Variants in KCNJ3 observed in about 807,000 individuals in gnomAD.
KCNJ3 encodes G protein-activated inward rectifier potassium channel 1.
A neutral mutation model predicts 39.2 loss-of-function variants in KCNJ3; 4 were observed. That is an observed-to-expected ratio of 0.10 (90% CI 0.05 to 0.23). The LOEUF is 0.23. KCNJ3 is among the 10% of genes least tolerant of loss of function. The pLI is 1.00. For synonymous variants in KCNJ3, 230 were observed against 237.4 expected, an observed-to-expected ratio of 0.97 and a Z score of 0.29; for missense variants, 276 against 634.9, an observed-to-expected ratio of 0.43 and a Z score of 6.08.
chr2:154,698,732 T>TG lies in KCNJ3; in HGVS notation c.-43dup. On this transcript the variant is annotated 5_prime_UTR_variant, in exon 1 of 3. Coordinates refer to ENST00000295101, the MANE Select transcript of KCNJ3 (RefSeq NM_002239.4). ...GTGCTAGTTTGCAGCGCCCAGCTCC[T>TG]GCGCCTTCGCTTCGCGTTTGAATCT... The TG allele has an allele frequency of 1.2e-6, 1 of 805,162 alleles. No homozygotes were observed. The highest frequency in any genetic ancestry group is 1.9e-6 in the Non-Finnish European group (1 of 540,242). The allele number at this position is 805,162 out of a possible 1,614,324, so 49.9% of individuals were successfully genotyped here.
intron 2 of KCNJ3, among the ~76,000 whole-genome samples, chr2:154,771,095 T>G (rs1236793198): frequency 6.6e-6 from 1 of 152,070 alleles, no homozygotes; most frequent in East Asian, 1.9e-4. Context: ...TTCACTATGT[T>G]GGCCAGGCTG....
chr2:154,810,372 C>T (rs534713902), intron 2 of KCNJ3, among the ~76,000 whole-genome samples: 17 of 152,248 alleles, frequency 1.1e-4, no homozygotes, highest in South Asian at 8.3e-4. Context: ...GCATGAGCCA[C>T]GACACCCAGC....
At chr2:154,778,638 A>G (rs746554969) in intron 2 of KCNJ3, among the ~76,000 whole-genome samples, 35 of 152,164 alleles carry the variant, frequency 2.3e-4, no homozygotes, top group Non-Finnish European at 4.1e-4. Context: ...AAATGGTGCA[A>G]TAGGTTTAGG....
At chr2:154,819,789 A>T (rs1687140509) in intron 2 of KCNJ3, among the ~76,000 whole-genome samples, 1 of 152,036 alleles carries the variant, frequency 6.6e-6, no homozygotes, top group Admixed American at 6.6e-5. Flanking sequence ...TCACCCTCCC[A>T]AAGTGCTGGG....
chr2:154,707,292 A>T (rs188272192), intron 1 of KCNJ3, among the ~76,000 whole-genome samples: 2,714 of 152,152 alleles, frequency 0.018, 66 homozygotes, highest in African/African-American at 0.062. Flanking sequence ...TTGAGTGTAT[A>T]GAGCAAATAT....
chr2:154,762,673 C>T (rs1158891788), intron 2 of KCNJ3, among the ~76,000 whole-genome samples: 1 of 142,300 alleles, frequency 7.0e-6, no homozygotes, highest in South Asian at 2.2e-4. Context: ...ACAACTAATT[C>T]TCAAATTATA....
At position 154,769,269 on chromosome 2, in the gene KCNJ3, G is replaced by T. The variant is rs571617736; in HGVS notation, c.919+59450G>T. 5.7e-4 allele frequency among the ~76,000 whole-genome samples: 86 copies of T among 152,158 alleles called. 1 individual carries two copies. Among genetic ancestry groups the T allele is most frequent in the African/African-American group, 1.3e-3 (55 of 41,528 alleles). ...AGGGCATCCCTGTCTTGTGCCAGTT[G>T]TCAAAGGGAATGCTTCCAGTTTTTG... On this transcript the variant is annotated intron_variant, in intron 2 of 2. Coordinates refer to ENST00000295101, the MANE Select transcript of KCNJ3 (RefSeq NM_002239.4).
chr2:154,819,635 A>G (rs1687136994), intron 2 of KCNJ3, among the ~76,000 whole-genome samples: 1 of 151,824 alleles, frequency 6.6e-6, no homozygotes, highest in African/African-American at 2.4e-5. Context: ...GGTTCAAGCT[A>G]TTCTTCTGCC....
chr2:154,841,809 A>G lies in KCNJ3; in HGVS notation c.920-12918A>G, dbSNP rs1256322156. On this transcript the variant is annotated intron_variant, in intron 2 of 2. Coordinates refer to ENST00000295101, the MANE Select transcript of KCNJ3 (RefSeq NM_002239.4). Reference sequence around the variant, plus strand: ...CCCTTTATCATTTTTTATTGCATCTATTTGATTCTTCTCTCTTTTCTTCTT... The same window carrying G: ...CCCTTTATCATTTTTTATTGCATCTGTTTGATTCTTCTCTCTTTTCTTCTT... Among the ~76,000 whole-genome samples the G allele has an allele frequency of 2.0e-5, 3 of 151,590 alleles. No homozygotes were observed. The East Asian group carries it at 5.8e-4, about 29-fold the overall frequency.
intron 2 of KCNJ3, among the ~76,000 whole-genome samples, chr2:154,838,125 A>AAAAG (rs1574481515): frequency 6.6e-6 from 1 of 152,204 alleles, no homozygotes; most frequent in African/African-American, 2.4e-5. Context: ...TGACACATTC[A>AAAAG]AAAGACAAAT....
At position 154,855,377 on chromosome 2, in the gene KCNJ3, G is replaced by A; in HGVS notation, c.*64G>A. 9.1e-7 allele frequency: 1 copy of A among 1,094,256 alleles called. No individual in the cohort carries two copies. Among genetic ancestry groups the A allele is most frequent in the East Asian group, 2.6e-5 (1 of 38,598 alleles). 67.8% of individuals were successfully genotyped at this position (1,094,256 alleles called of 1,614,324 possible). On this transcript the variant is annotated 3_prime_UTR_variant, in exon 3 of 3. Transcript: ENST00000295101. ...GTAATAGTCCAATATTTGGCGATGAGGTAATTCTCCCTAAGGAATCTGAAA... is the reference window on the plus strand; with the variant it reads ...GTAATAGTCCAATATTTGGCGATGAAGTAATTCTCCCTAAGGAATCTGAAA...
intron 2 of KCNJ3, among the ~76,000 whole-genome samples, chr2:154,837,296 A>G (rs1039914370): frequency 2.6e-5 from 4 of 152,226 alleles, no homozygotes; most frequent in Admixed American, 6.5e-5. Context: ...CAATGATTAT[A>G]TATAATTTAT....
At chr2:154,735,274 CTT>C (rs11315316) in intron 2 of KCNJ3, among the ~76,000 whole-genome samples, 54 of 143,212 alleles carry the variant, frequency 3.8e-4, no homozygotes, top group Admixed American at 2.8e-4. Flanking sequence ...TTCTTTCTTT[CTT>C]TTTTTTTTTT....
chr2:154,800,824 C>G lies in KCNJ3; in HGVS notation c.920-53903C>G, dbSNP rs16838225. On this transcript the variant is annotated intron_variant, in intron 2 of 2. Coordinates refer to ENST00000295101, the MANE Select transcript of KCNJ3 (RefSeq NM_002239.4). ...TATAGTACCTTTAGAGAAAGAGTCTCCTTATTGTATAGATTATATTTTAAG... is the reference window on the plus strand; with the variant it reads ...TATAGTACCTTTAGAGAAAGAGTCTGCTTATTGTATAGATTATATTTTAAG... Among the ~76,000 whole-genome samples, 446 of 152,186 alleles carry G rather than the reference C, an allele frequency of 2.9e-3. 4 individuals are homozygous for G. The highest frequency in any genetic ancestry group is 0.01 in the African/African-American group (432 of 41,540).
chr2:154,721,784 A>G (rs1281790848), intron 2 of KCNJ3, among the ~76,000 whole-genome samples: 1 of 152,218 alleles, frequency 6.6e-6, no homozygotes, highest in Non-Finnish European at 1.5e-5. Context: ...CCTCTATTTT[A>G]CAGAAATGGA....
intron 2 of KCNJ3, among the ~76,000 whole-genome samples, chr2:154,727,756 A>G (rs1057330038): frequency 2.0e-5 from 3 of 151,808 alleles, no homozygotes; most frequent in Non-Finnish European, 4.4e-5. Context: ...CATGATGTTA[A>G]CTTTTAAAAA....
chr2:154,793,961 G>C (rs1686680641), intron 2 of KCNJ3, among the ~76,000 whole-genome samples: 1 of 151,786 alleles, frequency 6.6e-6, no homozygotes, highest in Admixed American at 6.6e-5. Flanking sequence ...TTTTCCTGAA[G>C]CAAATGCCTT....
Position 154,710,536 on chromosome 2 carries a change from T to A in KCNJ3, c.919+717T>A, listed in dbSNP as rs116116917. 9.8e-3 allele frequency among the ~76,000 whole-genome samples: 1,498 copies of A among 152,208 alleles called. 25 individuals are homozygous for A. Among genetic ancestry groups the A allele is most frequent in the African/African-American group, 0.033 (1,360 of 41,538 alleles). ...AAACAATAGTTATGAGCATATTATTTGGGGCCTACACATTGCTTAGTTTGG... is the reference window on the plus strand; with the variant it reads ...AAACAATAGTTATGAGCATATTATTAGGGGCCTACACATTGCTTAGTTTGG... On this transcript the variant is annotated intron_variant, in intron 2 of 2. Transcript: ENST00000295101.
At chr2:154,785,426 C>T (rs561744663) in intron 2 of KCNJ3, among the ~76,000 whole-genome samples, 1 of 152,296 alleles carries the variant, frequency 6.6e-6, no homozygotes, top group African/African-American at 2.4e-5. Flanking sequence ...CCTTCCAAAA[C>T]TCATGCTGAA....
Sources: gnomAD v4.1 joint callset for allele counts (sites outside exome capture counted in the v4.1 genomes callset) on GRCh38, gnomAD v4.1.1 for gene constraint, MANE v1.5 for transcripts, NCBI Gene and HGNC (gene_info 2026-07-23, HGNC 2026-07-21) for gene names.